Variants in FRMD8 observed in about 807,000 individuals in gnomAD.
FRMD8 encodes FERM domain-containing protein 8.
A neutral mutation model predicts 54.2 loss-of-function variants in FRMD8; 37 were observed. The observed-to-expected ratio is 0.68, with a 90% CI of 0.53 to 0.90. FRMD8 has a LOEUF of 0.90. Ranked by LOEUF, FRMD8 falls within the 40% of genes least tolerant of loss-of-function variation. The pLI is 0.00. For missense variants in FRMD8, 585 were observed against 653.7 expected (o/e 0.89, Z 1.15); for synonymous variants, 246 against 286.9 (o/e 0.86, Z 1.44).
Position 65,389,530 on chromosome 11 carries a change from TA to T in FRMD8, c.253+4del. 6.4e-7 allele frequency: 1 copy of T among 1,572,802 alleles called. No homozygotes were observed. ...TCTGGCTGGTCTCCCCTCTGCTGGG[TA>T]AGGCTTGGCAGTGAGGAGCCCAGGC... On this transcript the variant is annotated splice_donor_region_variant and intron_variant, in intron 3 of 10. Transcript: ENST00000317568.
chr11:65,390,635 C>T (rs748376140), intron 3 of FRMD8, among the ~76,000 whole-genome samples: 11 of 152,056 alleles, frequency 7.2e-5, no homozygotes, highest in Non-Finnish European at 1.3e-4. Context: ...CCTGCTGCCC[C>T]GGCTCCTCGG....
At chr11:65,398,761 C>T (rs1413054780) in intron 7 of FRMD8, among the ~76,000 whole-genome samples, 1 of 152,172 alleles carries the variant, frequency 6.6e-6, no homozygotes, top group African/African-American at 2.4e-5. Context: ...TCAGTGAAAT[C>T]GGAGGGCTGG....
chr11:65,376,069 CAAAAAAA>C, the FRMD8 span: 29 of 108,674 alleles, frequency 2.7e-4, no homozygotes, highest in Non-Finnish European at 3.3e-4. Flanking sequence ...GACTCCATCT[CAAAAAAA>C]AAAAAAAAAA....
In FRMD8 at chr11:65,411,324, C is replaced by T. The variant is rs372077832; in HGVS notation, c.1359C>T (p.Thr453=). 1.0e-5 allele frequency: 16 copies of T among 1,606,472 alleles called. No individual in the cohort carries two copies. Among genetic ancestry groups the T allele is most frequent in the Middle Eastern group, 4.5e-4 (2 of 4,444 alleles). ...TGTCCTTGGGCCAGGGGAGCTACAC[C>T]GTGGTGCAGCCCGGCGACAGCCTGG... The part of the protein sequence containing the change: ...RQLSLGQGSY[T]VVQPGDSLEQ... Residue 453 remains threonine (T), a synonymous_variant, in exon 11 of 11, where the codon ACC becomes ACT. Coordinates refer to ENST00000317568, the MANE Select transcript of FRMD8 (RefSeq NM_031904.5).
chr11:65,403,475 A>ACCTGG (rs1246315372), intron 9 of FRMD8, among the ~76,000 whole-genome samples: 1 of 152,178 alleles, frequency 6.6e-6, no homozygotes, highest in Non-Finnish European at 1.5e-5. Flanking sequence ...GAGCCACGGC[A>ACCTGG]CCTGGCCTGG....
Position 65,397,910 on chromosome 11 carries a change from CTT to C in FRMD8, c.803+891_803+892del, listed in dbSNP as rs1173423562. Among the ~76,000 whole-genome samples the C allele has an allele frequency of 2.3e-4, 32 of 138,388 alleles. No individual in the cohort carries two copies. The Admixed American group carries it at 2.5e-3, about 11-fold the overall frequency. 90.8% of individuals were successfully genotyped at this position (138,388 alleles called of 152,430 possible). A position where few individuals can be genotyped will look rare whatever the true frequency, so the allele number is the denominator to read the frequency against. On this transcript the variant is annotated intron_variant, in intron 7 of 10. Coordinates refer to ENST00000317568, the MANE Select transcript of FRMD8 (RefSeq NM_031904.5). Reference sequence around the variant, plus strand: ...TTTTTTTTTGAGATGGAGTATCGCTCTTGTTGCCAGGCTGGAGTGCAATGCCA... The same window carrying C: ...TTTTTTTTTGAGATGGAGTATCGCTCGTTGCCAGGCTGGAGTGCAATGCCA...
intron 10 of FRMD8, among the ~76,000 whole-genome samples, chr11:65,406,186 C>T (rs1235302395): frequency 6.7e-6 from 1 of 148,560 alleles, no homozygotes; most frequent in Non-Finnish European, 1.5e-5. Context: ...TGCCACCACA[C>T]CCGGCTAATT....
chr11:65,368,411 A>C, the FRMD8 span, among the ~76,000 whole-genome samples: 1 of 151,154 alleles, frequency 6.6e-6, no homozygotes, highest in East Asian at 2.0e-4. Context: ...GGGTCTCGCT[A>C]TGTTTTCCAG....
the FRMD8 span, among the ~76,000 whole-genome samples, chr11:65,374,978 A>G: frequency 1.5e-5 from 2 of 132,004 alleles, no homozygotes; most frequent in African/African-American, 5.6e-5. Context: ...AATAAAAGAA[A>G]AAATAGAGAA....
the FRMD8 span, among the ~76,000 whole-genome samples, chr11:65,374,363 T>TGCCC: frequency 2.0e-5 from 3 of 151,984 alleles, no homozygotes; most frequent in Non-Finnish European, 2.9e-5. Context: ...GGTAGCTAAG[T>TGCCC]AACTGGACAC....
chr11:65,395,830 T>G (rs150774566), intron 6 of FRMD8, among the ~76,000 whole-genome samples: 1 of 152,360 alleles, frequency 6.6e-6, no homozygotes, highest in African/African-American at 2.4e-5. Flanking sequence ...CGTTCCTGAC[T>G]TGGTGACACA....
the FRMD8 span, among the ~76,000 whole-genome samples, chr11:65,369,437 T>A: frequency 4.1e-5 from 6 of 147,792 alleles, no homozygotes; most frequent in South Asian, 2.1e-4. Context: ...AAAAAAAAAA[T>A]TAAAAATTAG....
chr11:65,377,298 A>T, the FRMD8 span: 1 of 1,398,204 alleles, frequency 7.2e-7, no homozygotes, highest in Non-Finnish European at 9.3e-7. Flanking sequence ...CAAGAGTGAG[A>T]GGCACTGCCC....
At chr11:65,405,559 G>A (rs1453291902) in intron 10 of FRMD8, among the ~76,000 whole-genome samples, 8 of 152,200 alleles carry the variant, frequency 5.3e-5, no homozygotes, top group Non-Finnish European at 1.2e-4. Context: ...GCAGGCAGAG[G>A]TTGCAGTGAG....
intron 3 of FRMD8, among the ~76,000 whole-genome samples, chr11:65,391,210 C>A (rs1286849712): frequency 6.6e-6 from 1 of 152,252 alleles, no homozygotes; most frequent in Non-Finnish European, 1.5e-5. Context: ...CCCTTCCGTC[C>A]CATTTGGATA....
rs564515293 is a variant in FRMD8, at chr11:65,404,006, C to T, written c.1072-858C>T. Among the ~76,000 whole-genome samples the T allele has an allele frequency of 3.3e-5, 5 of 152,288 alleles. 1 individual carries two copies. The South Asian group carries it at 1.0e-3, about 32-fold the overall frequency. ...GGTGGACTGAGCTGAGGGCAGGGAG[C>T]GTGGAGAGCCCACCAGGCCTCTGCT... On this transcript the variant is annotated intron_variant, in intron 9 of 10. Transcript: ENST00000317568. This position sits in a 1 kb window ranked among gnomAD's most constrained non-coding sequence, Gnocchi z 4.7.
rs778986888 is a variant in FRMD8 at position 65,394,400 on chromosome 11, G to C, written c.556G>C (p.Gly186Arg). Residue 186 changes from glycine (G) to arginine (R), a missense_variant, in exon 6 of 11, where the codon GGC (glycine) becomes CGC (arginine). Transcript: ENST00000317568. Reference sequence around the variant, plus strand: ...CGTGCAGCTTGGGCCCTACCAGCCCGGCCGGCCGGCAGCCTGCGACCTGAG... The same window carrying C: ...CGTGCAGCTTGGGCCCTACCAGCCCCGCCGGCCGGCAGCCTGCGACCTGAG... ...CRVQLGPYQP[G>R]RPAACDLREK... is the part of the protein sequence containing the mutation. 2 of 1,569,652 alleles carry C rather than the reference G, an allele frequency of 1.3e-6. No individual in the cohort carries two copies. The highest frequency in any genetic ancestry group is 8.6e-7 in the Non-Finnish European group (1 of 1,159,836).
Position 65,405,086 on chromosome 11 carries a change from G to C in FRMD8, c.1276+18G>C, listed in dbSNP as rs1287113239. Reference sequence around the variant, plus strand: ...GGAGGACGGTGAGCAGCCCTTCTGTGCATGTGCACACACAAACACGCATGC... The same window carrying C: ...GGAGGACGGTGAGCAGCCCTTCTGTCCATGTGCACACACAAACACGCATGC... On this transcript the variant is annotated intron_variant, in intron 10 of 10. Coordinates refer to ENST00000317568, the MANE Select transcript of FRMD8 (RefSeq NM_031904.5). The C allele has an allele frequency of 1.9e-5, 30 of 1,611,656 alleles. No individual in the cohort carries two copies. The highest frequency in any genetic ancestry group is 2.5e-5 in the Non-Finnish European group (30 of 1,178,652).
the FRMD8 span, among the ~76,000 whole-genome samples, chr11:65,370,281 C>T: frequency 1.6e-4 from 24 of 151,330 alleles, no homozygotes; most frequent in Admixed American, 2.0e-4. Context: ...GATGTGCTTA[C>T]GGAACCAAGA....
Sources: gnomAD v4.1 joint callset for allele counts (sites outside exome capture counted in the v4.1 genomes callset) on GRCh38, gnomAD v4.1.1 for gene constraint, Gnocchi (gnomAD v3.1) non-coding constraint, MANE v1.5 for transcripts, NCBI Gene and HGNC (gene_info 2026-07-23, HGNC 2026-07-21) for gene names.